Variants in CDKL2 observed in about 807,000 individuals in gnomAD.
CDKL2 encodes cyclin dependent kinase like 2.
A neutral mutation model predicts 63.9 loss-of-function variants in CDKL2; 64 were observed. The ratio of observed to expected loss-of-function variants is 1.00; its 90% CI spans 0.82 to 1.23. CDKL2 has a LOEUF of 1.23. Ranked by LOEUF, CDKL2 falls within the 50% of genes most tolerant of loss-of-function variation. CDKL2 has a pLI of 0.00. For missense variants in CDKL2, 656 were observed against 668.0 expected (o/e 0.98, Z 0.20); for synonymous variants, 211 against 229.2 (o/e 0.92, Z 0.72).
chr4:75,617,171 A>C (rs1404880533), intron 2 of CDKL2, among the ~76,000 whole-genome samples: 1 of 152,146 alleles, frequency 6.6e-6, no homozygotes, highest in Non-Finnish European at 1.5e-5. Context: ...AAACCTGTAC[A>C]TCCTGCACAT....
At position 75,581,866 on chromosome 4, in the gene CDKL2, C is replaced by T. The variant is rs755030798; in HGVS notation, c.1680G>A (p.Gly560=). Residue 560 remains glycine, a synonymous_variant, in exon 13 of 14, where the codon GGG becomes GGA. Coordinates refer to ENST00000307465, the MANE Select transcript of CDKL2 (RefSeq NM_001330724.2). ...GGTGTTCCATTTGAGGCAAATCAGC[C>T]CCTGAATCATCTGACAGGGGAGGTC... ...VSGPPLSDDS[G]ADLPQMEHQH The T allele has an allele frequency of 2.5e-6, 4 of 1,612,840 alleles. No individual in the cohort carries two copies. The highest frequency in any genetic ancestry group is 3.4e-6 in the Non-Finnish European group (4 of 1,179,250).
At chr4:75,615,866 C>T (rs1367351793) in intron 2 of CDKL2, among the ~76,000 whole-genome samples, 1 of 151,950 alleles carries the variant, frequency 6.6e-6, no homozygotes, top group African/African-American at 2.4e-5. Context: ...TTGGGCACAC[C>T]TCTAGTCCCA....
At chr4:75,589,149 A>C (rs2148864582) in intron 12 of CDKL2, among the ~76,000 whole-genome samples, 1 of 152,318 alleles carries the variant, frequency 6.6e-6, no homozygotes, top group African/African-American at 2.4e-5. Flanking sequence ...AATTAAAACC[A>C]CAATGAGATG....
intron 6 of CDKL2, among the ~76,000 whole-genome samples, chr4:75,602,987 CTTTTT>C (rs1165939407): frequency 3.4e-5 from 3 of 87,466 alleles, no homozygotes; most frequent in African/African-American, 1.4e-4. Flanking sequence ...TAAATGGTTT[CTTTTT>C]TTTTTTTTTT....
At position 75,605,612 on chromosome 4, in the gene CDKL2, C is replaced by A. The variant is rs186119175; in HGVS notation, c.565G>T (p.Gly189Cys). ...ATGAACATTTCAGTTACCAGACAAC[C>A]AATGGCCCACACATCAACAGCCCTG... ...YGKAVDVWAI[G>C]CLVTEMFMGE... The change falls in exon 5 of 14, where the codon GGT becomes TGT. Residue 189 changes from glycine to cysteine, a missense_variant. Coordinates refer to ENST00000307465, the MANE Select transcript of CDKL2 (RefSeq NM_001330724.2). 1.1e-4 allele frequency: 183 copies of A among 1,613,042 alleles called. 1 individual carries two copies. In the East Asian group the frequency reaches 3.0e-3, roughly 27 times the overall value.
At chr4:75,605,941 T>C (rs768094410) in intron 4 of CDKL2, among the ~76,000 whole-genome samples, 1 of 152,194 alleles carries the variant, frequency 6.6e-6, no homozygotes, top group Non-Finnish European at 1.5e-5. Context: ...ACTCCCAATT[T>C]TACATAAGTG....
chr4:75,606,242 T>C (rs2148889947), intron 4 of CDKL2, among the ~76,000 whole-genome samples: 1 of 145,364 alleles, frequency 6.9e-6, no homozygotes, highest in East Asian at 2.0e-4. Flanking sequence ...TGAGACAGAA[T>C]CTCACTCTGT....
At chr4:75,604,981 G>A (rs545619495) in intron 5 of CDKL2, among the ~76,000 whole-genome samples, 93 of 152,154 alleles carry the variant, frequency 6.1e-4, no homozygotes, top group African/African-American at 2.2e-3. Flanking sequence ...CCTGGTGACA[G>A]AACGAGACTC....
intron 2 of CDKL2, among the ~76,000 whole-genome samples, chr4:75,615,398 A>T (rs1227911666): frequency 6.6e-6 from 1 of 152,222 alleles, no homozygotes; most frequent in African/African-American, 2.4e-5. Flanking sequence ...TAAATGGTAG[A>T]TTAACACTCA....
At chr4:75,613,231 T>C (rs767637117) in intron 3 of CDKL2, among the ~76,000 whole-genome samples, 3 of 152,180 alleles carry the variant, frequency 2.0e-5, no homozygotes, top group Non-Finnish European at 2.9e-5. Context: ...AAACTAGGTA[T>C]CTGCCTCTAC....
At chr4:75,623,092 A>G (rs987156238) in intron 2 of CDKL2, among the ~76,000 whole-genome samples, 2 of 152,136 alleles carry the variant, frequency 1.3e-5, no homozygotes, top group Non-Finnish European at 2.9e-5. Context: ...CCTGGGCAAC[A>G]TGGAAAAACC....
intron 1 of CDKL2, among the ~76,000 whole-genome samples, chr4:75,626,523 C>G (rs180888196): frequency 6.6e-6 from 1 of 152,058 alleles, no homozygotes; most frequent in Non-Finnish European, 1.5e-5. Flanking sequence ...AAAAATTAGC[C>G]GGACTTGGTG....
At chr4:75,601,000 T>C (rs1231647291) in intron 6 of CDKL2, among the ~76,000 whole-genome samples, 2 of 152,204 alleles carry the variant, frequency 1.3e-5, no homozygotes, top group African/African-American at 4.8e-5. Context: ...TACTGCATTA[T>C]GTAGAAAATT....
Position 75,580,285 on chromosome 4 carries a change from G to T in CDKL2, c.*24-1107C>A, listed in dbSNP as rs190471058. On this transcript the variant is annotated intron_variant, in intron 13 of 13. Coordinates refer to ENST00000307465, the MANE Select transcript of CDKL2 (RefSeq NM_001330724.2). ...AAAAAATAAATAAATACAGTTGTGAGAATGTGGGAATTTATCATCATAATA... is the reference window on the plus strand; with the variant it reads ...AAAAAATAAATAAATACAGTTGTGATAATGTGGGAATTTATCATCATAATA... 3.6e-3 allele frequency among the ~76,000 whole-genome samples: 552 copies of T among 152,166 alleles called. 1 individual carries two copies. The highest frequency in any genetic ancestry group is 5.3e-3 in the Non-Finnish European group (362 of 68,000).
chr4:75,600,154 A>T, intron 7 of CDKL2, 127 bp downstream of exon 7: 1 of 611,494 alleles, frequency 1.6e-6, no homozygotes. Flanking sequence ...ATGGGGGTAG[A>T]GTGGTAGATA....
In CDKL2 at chr4:75,592,565, G is replaced by A. The variant is rs372717747; in HGVS notation, c.1417-296C>T. On this transcript the variant is annotated intron_variant, in intron 10 of 13. Coordinates refer to ENST00000307465, the MANE Select transcript of CDKL2 (RefSeq NM_001330724.2). The stretch of plus-strand genomic sequence containing the variant: ...AGCAAGTAGTAAAAGGTTAAAAGAT[G>A]GGCATTGATGCGCTGGTTCTTCAGG... Among the ~76,000 whole-genome samples the A allele has an allele frequency of 5.3e-5, 8 of 152,276 alleles. No individual in the cohort carries two copies. The East Asian group carries it at 9.6e-4, about 18-fold the overall frequency.
chr4:75,595,976 A>AAGGAAGGAAGGAAGGAAGGAAG (rs1728901817), intron 10 of CDKL2: 1 of 153,384 alleles, frequency 6.5e-6, no homozygotes, highest in Non-Finnish European at 1.2e-5. Context: ...AAGGAAGGAA[A>AAGGAAGGAAGGAAGGAAGGAAG]GAAGGAAGGA....
At chr4:75,596,033 A>AAGGAAGAAAGG in intron 10 of CDKL2, 2 of 33,808 alleles carry the variant, frequency 5.9e-5, no homozygotes, top group Non-Finnish European at 5.2e-5. Context: ...AGGAAGGAAG[A>AAGGAAGAAAGG]AAGGAAGGAA....
chr4:75,603,884 A>T lies in CDKL2; in HGVS notation c.728T>A (p.Ile243Asn). ...PVFAGVRLPE[I>N]KEREPLERRY... ...TCTTTCAAGAGGTTCTCTTTCCTTG[A>T]TTTCAGGCAACCTTACTCCAGCAAA... Residue 243 changes from isoleucine to asparagine, a missense_variant, in exon 6 of 14, where the codon ATC (isoleucine) becomes AAC (asparagine). Physicochemically the swap from Ile to Asn is moderately radical, Grantham distance 149. Transcript: ENST00000307465. 1 of 1,613,716 alleles carries T rather than the reference A, an allele frequency of 6.2e-7. No homozygotes were observed. Among genetic ancestry groups the T allele is most frequent in the African/African-American group, 1.3e-5 (1 of 74,998 alleles).
Sources: gnomAD v4.1 joint callset for allele counts (sites outside exome capture counted in the v4.1 genomes callset) on GRCh38, gnomAD v4.1.1 for gene constraint, MANE v1.5 for transcripts, NCBI Gene and HGNC (gene_info 2026-07-23, HGNC 2026-07-21) for gene names.